The following ATP10D variants were observed in gnomAD, a reference collection of about 807,000 sequenced individuals.
The protein encoded by ATP10D is ATPase phospholipid transporting 10D (putative), also known as phospholipid-transporting ATPase VD.
ATP10D carries 89 observed loss-of-function variants against 144.8 expected under a neutral mutation model. The observed-to-expected ratio is 0.61, with a 90% confidence interval of 0.52 to 0.73. The LOEUF (loss-of-function observed/expected upper bound fraction) is 0.73. ATP10D is among the 30% of genes least tolerant of loss of function. The pLI, the probability that ATP10D is intolerant of heterozygous loss-of-function variation, is 0.00. For missense variants in ATP10D, 1,603 were observed against 1,714.8 expected (o/e 0.93, Z 1.15); for synonymous variants, 571 against 615.1 (o/e 0.93, Z 1.06).
At chr4:47,491,471 T>C in intron 1 of ATP10D, 1 of 689,712 alleles carries the variant, frequency 1.4e-6, no homozygotes, top group East Asian at 3.0e-5. Flanking sequence ...TTTTGGCGAA[T>C]TACTGGAAGA....
chr4:47,529,655 T>C (rs1717458207), intron 5 of ATP10D, among the ~76,000 whole-genome samples: 1 of 152,272 alleles, frequency 6.6e-6, no homozygotes, highest in Admixed American at 6.5e-5. Flanking sequence ...GATTTTAGAA[T>C]TCTTTTTTCT....
Position 47,535,496 on chromosome 4 carries a change from G to T in ATP10D, c.777-13G>T, listed in dbSNP as rs192552855. ...CTGTTTAAAAGTGAATTTATATGCTGTCTTTCTTATAGAGAACATTCCAAC... is the reference window on the plus strand; with the variant it reads ...CTGTTTAAAAGTGAATTTATATGCTTTCTTTCTTATAGAGAACATTCCAAC... On this transcript the variant is annotated splice_polypyrimidine_tract_variant and intron_variant, in intron 5 of 22. Transcript: ENST00000273859. 17 of 1,594,900 alleles carry T rather than the reference G, an allele frequency of 1.1e-5. No homozygotes were observed. In the African/African-American group the frequency reaches 1.4e-4, roughly 13 times the overall value.
chr4:47,551,159 C>T (rs1202471194), intron 10 of ATP10D, among the ~76,000 whole-genome samples: 1 of 152,172 alleles, frequency 6.6e-6, no homozygotes, highest in Non-Finnish European at 1.5e-5. Context: ...TTGCAAGCCC[C>T]GTGTTTAAAG....
At chr4:47,533,453 C>T (rs1717673757) in intron 5 of ATP10D, among the ~76,000 whole-genome samples, 1 of 152,054 alleles carries the variant, frequency 6.6e-6, no homozygotes, top group Non-Finnish European at 1.5e-5. Flanking sequence ...CTGTCTTTCT[C>T]TTTCTTTGTA....
chr4:47,590,900 G>A (rs1465860572), intron 22 of ATP10D, 142 bp from the exon 23 acceptor site: 3 of 526,044 alleles, frequency 5.7e-6, no homozygotes, highest in Non-Finnish European at 9.9e-6. Context: ...TTGTATTAGA[G>A]TTCGGTTACC....
intron 1 of ATP10D, among the ~76,000 whole-genome samples, chr4:47,498,241 T>TA (rs558158909): frequency 3.9e-5 from 6 of 152,244 alleles, no homozygotes; most frequent in Non-Finnish European, 8.8e-5. Flanking sequence ...TGGCTTCTTT[T>TA]AACCCAGAGT....
rs139561405 is a variant in ATP10D, at chr4:47,487,153, C to T, written c.-38+1634C>T. On this transcript the variant is annotated intron_variant, in intron 1 of 22. Transcript: ENST00000273859. ...CTGAGGCAGGAGAATCGCTTGAGCC[C>T]GGGAGGCGGAGGTTGCTGTGAGTCG... is the stretch of plus-strand genomic sequence containing the variant. 5.1e-3 allele frequency among the ~76,000 whole-genome samples: 767 copies of T among 149,182 alleles called. 5 individuals are homozygous for T. Among genetic ancestry groups the T allele is most frequent in the African/African-American group, 0.018 (722 of 40,326 alleles).
At chr4:47,553,420 C>T (rs962806827) in intron 10 of ATP10D, among the ~76,000 whole-genome samples, 4 of 152,172 alleles carry the variant, frequency 2.6e-5, no homozygotes, top group Admixed American at 2.0e-4. Context: ...AGAAACTTAG[C>T]AATGCTTTTT....
chr4:47,518,860 A>G (rs1005107886), intron 3 of ATP10D, among the ~76,000 whole-genome samples: 15 of 152,138 alleles, frequency 9.9e-5, no homozygotes, highest in Admixed American at 5.2e-4. Flanking sequence ...TAGACTCTGG[A>G]TATACCTGCC....
chr4:47,547,582 TTTA>T (rs1235576643), intron 10 of ATP10D: 1 of 152,232 alleles, frequency 6.6e-6, no homozygotes, highest in African/African-American at 2.4e-5. Flanking sequence ...CCTTTTACAT[TTTA>T]TTAAGTCTTG....
intron 15 of ATP10D, among the ~76,000 whole-genome samples, chr4:47,565,120 G>A (rs534587670): frequency 2.0e-5 from 3 of 152,094 alleles, no homozygotes; most frequent in Admixed American, 1.3e-4. Flanking sequence ...CACCACGCCC[G>A]GCTAATTTTT....
chr4:47,507,327 C>A (rs559414809), intron 1 of ATP10D, among the ~76,000 whole-genome samples: 2 of 152,240 alleles, frequency 1.3e-5, no homozygotes, highest in African/African-American at 2.4e-5. Context: ...GTAAAGCTGG[C>A]AAATTGGGGT....
chr4:47,544,703 G>T (rs894699260), intron 9 of ATP10D, among the ~76,000 whole-genome samples: 7 of 152,198 alleles, frequency 4.6e-5, no homozygotes, highest in African/African-American at 1.7e-4. Flanking sequence ...TCACCACATA[G>T]ACCCTTAGCC....
At chr4:47,527,414 C>T (rs1717304572) in intron 5 of ATP10D, among the ~76,000 whole-genome samples, 1 of 151,932 alleles carries the variant, frequency 6.6e-6, no homozygotes, top group Non-Finnish European at 1.5e-5. Context: ...AGATACAACA[C>T]CAAAATCACA....
intron 6 of ATP10D, 61 bp from the exon 7 acceptor site, chr4:47,535,841 A>G (rs1256717078): frequency 3.9e-6 from 6 of 1,533,510 alleles, no homozygotes; most frequent in South Asian, 1.2e-5. Flanking sequence ...ATTTTTAAAT[A>G]TGGTATTCGC....
chr4:47,559,011 T>G lies in ATP10D; in HGVS notation c.2523T>G (p.Thr841=). 1 of 1,613,960 alleles carries G rather than the reference T, an allele frequency of 6.2e-7. No individual in the cohort carries two copies. Among genetic ancestry groups the G allele is most frequent in the South Asian group, 1.1e-5 (1 of 91,072 alleles). The change falls in exon 13 of 23, where the codon ACT becomes ACG. Residue 841 remains threonine, a synonymous_variant. Transcript: ENST00000273859. ...ACTATGCCAAACAAGGCCTTCGTACTTTATGTATAGCAAAGAAGGTGAGAC... is the reference window on the plus strand; with the variant it reads ...ACTATGCCAAACAAGGCCTTCGTACGTTATGTATAGCAAAGAAGGTGAGAC... ...LDDYAKQGLR[T]LCIAKKVMSD...
chr4:47,525,587 A>T lies in ATP10D; in HGVS notation c.721A>T (p.Ser241Cys). The T allele has an allele frequency of 1.2e-6, 2 of 1,613,638 alleles. No homozygotes were observed. The highest frequency in any genetic ancestry group is 2.2e-5 in the South Asian group (2 of 91,078). The change falls in exon 5 of 23, where the codon AGT becomes TGT. Residue 241 changes from serine to cysteine, a missense_variant. Ser to Cys is a moderately radical substitution (Grantham distance 112). Coordinates refer to ENST00000273859, the MANE Select transcript of ATP10D (RefSeq NM_020453.4). The part of the protein sequence containing the change: ...DSEVDPEKFS[S>C]RIECESPNND... ...TGAAGTTGATCCTGAGAAGTTTTCC[A>T]GTAGGATAGAATGTGAAAGCCCAAA...
chr4:47,516,184 C>T lies in ATP10D; in HGVS notation c.485+514C>T, dbSNP rs552037469. ...GGGGGAGGTTGCAGTGAGCCGAGAT[C>T]GCACCACTGCACTCCAGCCACTGCA... On this transcript the variant is annotated intron_variant, in intron 3 of 22. Transcript: ENST00000273859. Among the ~76,000 whole-genome samples the T allele has an allele frequency of 2.6e-5, 4 of 151,458 alleles. No homozygotes were observed. The East Asian group carries it at 5.8e-4, about 22-fold the overall frequency.
At chr4:47,572,353 C>A in intron 17 of ATP10D, 123 bp downstream of exon 17, 1 of 805,004 alleles carries the variant, frequency 1.2e-6, no homozygotes, top group Non-Finnish European at 2.0e-6. Flanking sequence ...GAGTGGGAGA[C>A]AGGAAGTTTA....
Sources: allele counts gnomAD v4.1 joint callset (sites outside exome capture counted in the v4.1 genomes callset), GRCh38; gene constraint gnomAD v4.1.1; transcripts MANE v1.5; gene names NCBI Gene and HGNC (gene_info 2026-07-23, HGNC 2026-07-21).